HFM1: variants seen among roughly 807,000 people sequenced by gnomAD.
HFM1 encodes helicase for meiosis 1.
In HFM1, 169 loss-of-function variants were observed where a neutral mutation model predicts 192.1. The ratio of observed to expected loss-of-function variants is 0.88; its 90% confidence interval spans 0.78 to 1.00. The LOEUF (loss-of-function observed/expected upper bound fraction) is 1.00, where lower values mean the gene tolerates loss of function less well. Among genes scored for constraint, HFM1 ranks in the 50% least tolerant of loss-of-function variants. HFM1 has a pLI of 0.00. For synonymous variants in HFM1, 525 were observed against 537.8 expected, an observed-to-expected ratio of 0.98 and a Z score of 0.33; for missense variants, 1,661 against 1,668.0, an observed-to-expected ratio of 1.00 and a Z score of 0.07.
chr1:91,271,061 T>A (rs1204534687), intron 34 of HFM1, among the ~76,000 whole-genome samples: 1 of 152,080 alleles, frequency 6.6e-6, no homozygotes, highest in Non-Finnish European at 1.5e-5. Flanking sequence ...TTCTACTGGA[T>A]CCTAGTAAGG....
In HFM1 at chr1:91,298,442, C is replaced by T. The variant is rs188047868; in HGVS notation, c.3391+14907G>A. 2.2e-3 allele frequency among the ~76,000 whole-genome samples: 338 copies of T among 152,196 alleles called. 4 individuals carry two copies. The highest frequency in any genetic ancestry group is 7.7e-3 in the African/African-American group (318 of 41,518). On this transcript the variant is annotated intron_variant, in intron 30 of 38. Transcript: ENST00000370425. ...AATTCAGGAAATACAAAGAATGCCACAAAGATACTCCTCAAGAAGAGCAAC... is the reference window on the plus strand; with the variant it reads ...AATTCAGGAAATACAAAGAATGCCATAAAGATACTCCTCAAGAAGAGCAAC...
chr1:91,370,182 T>C (rs1012008118), intron 13 of HFM1, among the ~76,000 whole-genome samples: 3 of 152,156 alleles, frequency 2.0e-5, no homozygotes, highest in Non-Finnish European at 4.4e-5. Context: ...TTGTTACCAT[T>C]CCTTCTGAAA....
At chr1:91,294,112 G>C (rs919245341) in intron 30 of HFM1, among the ~76,000 whole-genome samples, 23 of 151,492 alleles carry the variant, frequency 1.5e-4, no homozygotes, top group Non-Finnish European at 3.1e-4. Context: ...TGACGAGTTA[G>C]TGGGTGCAGT....
At chr1:91,295,219 C>T (rs1013567328) in intron 30 of HFM1, among the ~76,000 whole-genome samples, 8 of 152,140 alleles carry the variant, frequency 5.3e-5, no homozygotes, top group African/African-American at 1.9e-4. Context: ...TTTACTTATA[C>T]ATATAGGAGT....
intron 30 of HFM1, among the ~76,000 whole-genome samples, chr1:91,307,537 C>T (rs561244225): frequency 6.6e-6 from 1 of 152,252 alleles, no homozygotes; most frequent in Admixed American, 6.5e-5. Context: ...ACTGCAGCCT[C>T]AACTTCCCAG....
chr1:91,276,625 A>T lies in HFM1; in HGVS notation c.3588+3T>A. ...CAATGGGAAAAATGTTATTAAAACT[A>T]ACCTTCAGACGTTTAACTGGAGGAA... On this transcript the variant is annotated splice_donor_region_variant and intron_variant, in intron 32 of 38. Transcript: ENST00000370425. The T allele has an allele frequency of 7.2e-7, 1 of 1,388,764 alleles. No individual in the cohort carries two copies. The highest frequency in any genetic ancestry group is 9.9e-7 in the Non-Finnish European group (1 of 1,008,418). The allele number at this position is 1,388,764 out of a possible 1,614,324, so 86.0% of individuals were successfully genotyped here.
intron 19 of HFM1, among the ~76,000 whole-genome samples, chr1:91,347,211 AC>A (rs1487368884): frequency 2.0e-5 from 3 of 152,240 alleles, no homozygotes; most frequent in Non-Finnish European, 2.9e-5. Context: ...AACATATTAT[AC>A]AAAGAAAGAT....
intron 35 of HFM1, 71 bp from the exon 36 acceptor site, chr1:91,266,178 C>A: frequency 8.6e-7 from 1 of 1,162,424 alleles, no homozygotes; most frequent in South Asian, 1.4e-5. Flanking sequence ...ACAAGTTCTA[C>A]AACGTTCTCT....
intron 30 of HFM1, among the ~76,000 whole-genome samples, chr1:91,280,661 G>A (rs1667377957): frequency 6.6e-6 from 1 of 152,206 alleles, no homozygotes; most frequent in Non-Finnish European, 1.5e-5. Flanking sequence ...ACTAAGGTAT[G>A]GAACTTTCCA....
At chr1:91,404,083 A>C (rs552144194) in intron 1 of HFM1, among the ~76,000 whole-genome samples, 1 of 152,226 alleles carries the variant, frequency 6.6e-6, no homozygotes, top group African/African-American at 2.4e-5. Context: ...GTCACAAATA[A>C]CTGCAGAGAA....
chr1:91,313,343 A>C lies in HFM1; in HGVS notation c.3391+6T>G. On this transcript the variant is annotated splice_donor_region_variant and intron_variant, in intron 30 of 38. Transcript: ENST00000370425. ...ATATAAAATAGGAATTAATACAGCT[A>C]TTTACCTTTATTAGGTCCTGCTATT... 1 of 1,530,464 alleles carries C rather than the reference A, an allele frequency of 6.5e-7. No homozygotes were observed. Among genetic ancestry groups the C allele is most frequent in the South Asian group, 1.2e-5 (1 of 83,188 alleles). 94.8% of individuals were successfully genotyped at this position (1,530,464 alleles called of 1,614,324 possible). A position where few individuals can be genotyped will look rare whatever the true frequency, so the allele number is the denominator to read the frequency against.
At chr1:91,289,841 G>A (rs1275701498) in intron 30 of HFM1, among the ~76,000 whole-genome samples, 1 of 152,198 alleles carries the variant, frequency 6.6e-6, no homozygotes, top group Admixed American at 6.5e-5. Flanking sequence ...GCATCAGAGG[G>A]AGACCGTGCA....
At chr1:91,262,715 C>T (rs1198332537) in intron 36 of HFM1, 123 bp from the exon 37 acceptor site, 1 of 609,018 alleles carries the variant, frequency 1.6e-6, no homozygotes. Flanking sequence ...AAATGTAATG[C>T]ATTGTTTCTA....
chr1:91,261,230 T>C lies in HFM1; in HGVS notation c.*60A>G. 2 of 686,456 alleles carry C rather than the reference T, an allele frequency of 2.9e-6. No homozygotes were observed. Among genetic ancestry groups the C allele is most frequent in the Non-Finnish European group, 4.4e-6 (2 of 458,864 alleles). 42.5% of individuals were successfully genotyped at this position (686,456 alleles called of 1,614,324 possible). A position where few individuals can be genotyped will look rare whatever the true frequency, so the allele number is the denominator to read the frequency against. On this transcript the variant is annotated 3_prime_UTR_variant, in exon 39 of 39. Transcript: ENST00000370425. Reference sequence around the variant, plus strand: ...AACTACTTTTTAAAAATAAAAAGCATGCTTTGTGATTAGGTGTCTTTATTC... The same window carrying C: ...AACTACTTTTTAAAAATAAAAAGCACGCTTTGTGATTAGGTGTCTTTATTC...
chr1:91,328,031 TA>T (rs771066589), intron 20 of HFM1, among the ~76,000 whole-genome samples: 1 of 151,664 alleles, frequency 6.6e-6, no homozygotes, highest in African/African-American at 2.4e-5. Flanking sequence ...AAATGTCAAA[TA>T]AAAAACCTAA....
At chr1:91,392,901 G>T (rs574807212) in intron 4 of HFM1, among the ~76,000 whole-genome samples, 35 of 152,172 alleles carry the variant, frequency 2.3e-4, no homozygotes, top group African/African-American at 7.9e-4. Flanking sequence ...GTAGATTAGT[G>T]GCCACCAGGT....
At chr1:91,340,000 G>A (rs1655114142) in intron 20 of HFM1, among the ~76,000 whole-genome samples, 1 of 152,106 alleles carries the variant, frequency 6.6e-6, no homozygotes, top group Admixed American at 6.5e-5. Flanking sequence ...AGAAGAGTTT[G>A]GGGGCCTATA....
At chr1:91,366,372 G>A (rs1386660502) in intron 13 of HFM1, among the ~76,000 whole-genome samples, 1 of 152,144 alleles carries the variant, frequency 6.6e-6, no homozygotes, top group Non-Finnish European at 1.5e-5. Flanking sequence ...TTAAGTTTAT[G>A]AGCAAGCAAA....
intron 20 of HFM1, chr1:91,328,801 G>A (rs1220392701): frequency 1.2e-6 from 2 of 1,611,066 alleles, no homozygotes; most frequent in African/African-American, 1.3e-5. Flanking sequence ...ACAACGATAA[G>A]TGCAAACATC....
Sources: gnomAD v4.1 joint callset for allele counts (sites outside exome capture counted in the v4.1 genomes callset) on GRCh38, gnomAD v4.1.1 for gene constraint, MANE v1.5 for transcripts, NCBI Gene and HGNC (gene_info 2026-07-23, HGNC 2026-07-21) for gene names.